Variants in ITGA2B observed in about 807,000 individuals in gnomAD.
ITGA2B encodes the protein integrin subunit alpha 2b.
Under a neutral mutation model 142.0 loss-of-function variants are expected in ITGA2B, and 91 were observed. The ratio of observed to expected loss-of-function variants is 0.64; its 90% CI spans 0.54 to 0.76. ITGA2B has a LOEUF of 0.76. Among genes scored for constraint, ITGA2B ranks in the 30% least tolerant of loss-of-function variants. ITGA2B has a pLI of 0.00. For missense variants in ITGA2B, 1,231 were observed against 1,350.8 expected (o/e 0.91, Z 1.39); for synonymous variants, 536 against 567.2 (o/e 0.94, Z 0.78).
In ITGA2B at chr17:44,372,268, A is replaced by G; in HGVS notation, c.*96T>C. On this transcript the variant is annotated 3_prime_UTR_variant, in exon 30 of 30. Coordinates refer to ENST00000262407, the MANE Select transcript of ITGA2B (RefSeq NM_000419.5). The stretch of plus-strand genomic sequence containing the variant: ...AACGACACCAAGAGGACCCAATGGA[A>G]CAGCTCCAACCCAAAGCTTGGAGGC... 7 of 1,285,606 alleles carry G rather than the reference A, an allele frequency of 5.4e-6. No individual in the cohort carries two copies. The highest frequency in any genetic ancestry group is 7.9e-6 in the Non-Finnish European group (7 of 885,878). 79.6% of individuals were successfully genotyped at this position (1,285,606 alleles called of 1,614,324 possible). A position where few individuals can be genotyped will look rare whatever the true frequency, so the allele number is the denominator to read the frequency against.
rs760027016 is a variant in ITGA2B at position 44,375,527 on chromosome 17, C to T, written c.2727+64G>A. 2.5e-6 allele frequency: 4 copies of T among 1,590,790 alleles called. No homozygotes were observed. In the South Asian group the frequency reaches 4.5e-5, roughly 18 times the overall value. On this transcript the variant is annotated intron_variant, in intron 26 of 29. Coordinates refer to ENST00000262407, the MANE Select transcript of ITGA2B (RefSeq NM_000419.5). ...CAGCACACCCGGACCCCTCTCCCTC[C>T]TCCCATCCCCTCTGCCCCGTGGGTC...
Position 44,379,736 on chromosome 17 carries a change from T to G in ITGA2B, c.1831A>C (p.Met611Leu), listed in dbSNP as rs759168431. The change falls in exon 18 of 30, where the codon ATG (methionine) becomes CTG (leucine). Residue 611 changes from methionine (M) to leucine (L), a missense_variant. Around this residue, in one of 3 missense-constraint regions of ITGA2B, gnomAD observed 908 missense variants for 1,021.1 expected, o/e 0.89. Transcript: ENST00000262407. Reference sequence around the variant, plus strand: ...CCATGCAGCACGACAGCAGGGGCCATTCCAGCCTCCGTGGGCGGTAGGGAC... The same window carrying G: ...CCATGCAGCACGACAGCAGGGGCCAGTCCAGCCTCCGTGGGCGGTAGGGAC... ...NVSLPPTEAG[M>L]APAVVLHGDT... 1.2e-6 allele frequency: 2 copies of G among 1,613,778 alleles called. No homozygotes were observed. The highest frequency in any genetic ancestry group is 1.7e-6 in the Non-Finnish European group (2 of 1,180,020).
At chr17:44,385,427 A>C (rs1163291555) in intron 4 of ITGA2B, 92 bp from the exon 5 acceptor site, 1 of 1,512,160 alleles carries the variant, frequency 6.6e-7, no homozygotes. Context: ...CGGGGCCTTG[A>C]GTCGGCGGGG....
chr17:44,382,030 C>T (rs1050888015), intron 12 of ITGA2B, among the ~76,000 whole-genome samples: 5 of 152,128 alleles, frequency 3.3e-5, no homozygotes, highest in Non-Finnish European at 5.9e-5. Flanking sequence ...AGAGAGGCAG[C>T]CCACTGTTAT....
Position 44,375,192 on chromosome 17 carries a change from A to G in ITGA2B, c.2728-81T>C, listed in dbSNP as rs1040925788. 5.2e-6 allele frequency: 6 copies of G among 1,151,816 alleles called. No homozygotes were observed. The African/African-American group carries it at 9.2e-5, about 18-fold the overall frequency. The allele number at this position is 1,151,816 out of a possible 1,614,324, so 71.3% of individuals were successfully genotyped here. On this transcript the variant is annotated intron_variant, in intron 26 of 29. Transcript: ENST00000262407. Reference sequence around the variant, plus strand: ...CCCACCCCCTTACCCCCAGGACCCAACGCAGAAGGGGCCGGGGGTTCAGGA... The same window carrying G: ...CCCACCCCCTTACCCCCAGGACCCAGCGCAGAAGGGGCCGGGGGTTCAGGA...
chr17:44,374,848 C>A, intron 27 of ITGA2B, 88 bp from the exon 28 acceptor site: 1 of 1,335,266 alleles, frequency 7.5e-7, no homozygotes. Flanking sequence ...GGCGGGGAAG[C>A]CCTGCCTCTG....
chr17:44,381,234 G>A (rs1167230902), intron 12 of ITGA2B, among the ~76,000 whole-genome samples, 173 bp from the exon 13 acceptor site: 1 of 152,132 alleles, frequency 6.6e-6, no homozygotes, highest in Non-Finnish European at 1.5e-5. Flanking sequence ...GGTGGGAGAG[G>A]GACCTGCCAA....
intron 17 of ITGA2B, 84 bp from the exon 18 acceptor site, chr17:44,379,898 C>A: frequency 2.5e-6 from 4 of 1,611,806 alleles, no homozygotes; most frequent in Non-Finnish European, 3.4e-6. Flanking sequence ...GTCCTGACCA[C>A]CCCCGGACTC....
rs1598381778 is a variant in ITGA2B, at chr17:44,383,893, C to G, written c.998+1G>C. 6.2e-7 allele frequency: 1 copy of G among 1,613,624 alleles called. No homozygotes were observed. Among genetic ancestry groups the G allele is most frequent in the South Asian group, 1.1e-5 (1 of 91,036 alleles). On this transcript the variant is annotated splice_donor_variant, in intron 11 of 29. Transcript: ENST00000262407. LOFTEE classifies it high-confidence loss of function. The stretch of plus-strand genomic sequence containing the variant: ...TAGGGGTGGGGCATGTCCCTCCTCA[C>G]CCATCCCCGTTGACGTCAGTGACAG...
In ITGA2B at chr17:44,385,638, A is replaced by T. The variant is rs141497408; in HGVS notation, c.487T>A (p.Leu163Met). The change falls in exon 4 of 30, where the codon TTG becomes ATG. Residue 163 changes from leucine to methionine, a missense_variant. By Grantham distance (15) the Leu-to-Met change is conservative (BLOSUM62 2). This residue lies in a region of ITGA2B where 318 missense variants were observed against 312.2 expected (regional missense o/e 1.02). Coordinates refer to ENST00000262407, the MANE Select transcript of ITGA2B (RefSeq NM_000419.5). The part of the protein sequence containing the change: ...AEKTPVGSCF[L>M]AQPESGRRAE... ...CGGCGGCCGCTCTCTGGCTGAGCCAAAAAGCAGCTACCTACGGGCGTCTTC... is the reference window on the plus strand; with the variant it reads ...CGGCGGCCGCTCTCTGGCTGAGCCATAAAGCAGCTACCTACGGGCGTCTTC... 2 of 1,613,608 alleles carry T rather than the reference A, an allele frequency of 1.2e-6. No individual in the cohort carries two copies. The highest frequency in any genetic ancestry group is 2.2e-5 in the South Asian group (2 of 91,080).
intron 7 of ITGA2B, 143 bp from the exon 8 acceptor site, chr17:44,384,728 C>CCCGCTTCCA: frequency 7.9e-7 from 1 of 1,264,464 alleles, no homozygotes. Flanking sequence ...GGGGCCAAGC[C>CCCGCTTCCA]CTGCCCCAGG....
intron 1 of ITGA2B, 80 bp from the exon 2 acceptor site, chr17:44,386,211 G>C (rs763316170): frequency 6.5e-7 from 1 of 1,534,538 alleles, no homozygotes; most frequent in South Asian, 1.2e-5. Context: ...AGCACTGCCC[G>C]GAAGGCCATG....
chr17:44,385,794 G>T, intron 3 of ITGA2B, 30 bp downstream of exon 3: 1 of 1,608,732 alleles, frequency 6.2e-7, no homozygotes, highest in Non-Finnish European at 8.5e-7. Flanking sequence ...GCCCCCGATT[G>T]TTCCCTGTGC....
Position 44,384,797 on chromosome 17 carries a change from C to T in ITGA2B, c.799+151G>A, listed in dbSNP as rs559159634. 8.0e-6 allele frequency: 11 copies of T among 1,382,508 alleles called. No homozygotes were observed. The South Asian group carries it at 1.3e-4, about 16-fold the overall frequency. 85.6% of individuals were successfully genotyped at this position (1,382,508 alleles called of 1,614,324 possible). ...GGGCGCATGGGAGGTGGGCGGTCTG[C>T]GGGGAAGCCGCAGGAGCGGAGGGCG... is the stretch of plus-strand genomic sequence containing the variant. On this transcript the variant is annotated intron_variant, in intron 7 of 29. Coordinates refer to ENST00000262407, the MANE Select transcript of ITGA2B (RefSeq NM_000419.5).
intron 12 of ITGA2B, among the ~76,000 whole-genome samples, chr17:44,382,379 C>T (rs1319041049): frequency 6.6e-6 from 1 of 152,016 alleles, no homozygotes; most frequent in Non-Finnish European, 1.5e-5. Flanking sequence ...TAGCTGCATC[C>T]AATTTTTCAT....
rs1019178975 is a variant in ITGA2B, at chr17:44,375,978, T to C, written c.2456A>G (p.Asn819Ser). ...PKVEHTYELH[N>S]NGPGTVNGLH... ...ACCATTCACAGTCCCAGGGCCATTG[T>C]TGTGGAGCTGAAGGGGTGGTGGTGG... The change falls in exon 25 of 30, where the codon AAC (asparagine) becomes AGC (serine). Residue 819 changes from asparagine to serine, a missense_variant. By Grantham distance (46) the Asn-to-Ser change is conservative (BLOSUM62 1). Around this residue, in one of 3 missense-constraint regions of ITGA2B, gnomAD observed 908 missense variants for 1,021.1 expected, o/e 0.89. Coordinates refer to ENST00000262407, the MANE Select transcript of ITGA2B (RefSeq NM_000419.5). 3.1e-6 allele frequency: 5 copies of C among 1,613,954 alleles called. No homozygotes were observed. The highest frequency in any genetic ancestry group is 1.3e-5 in the African/African-American group (1 of 74,904).
In ITGA2B at chr17:44,380,032, G is replaced by A. The variant is rs2048580176; in HGVS notation, c.1722C>T (p.Pro574=). 1 of 1,613,704 alleles carries A rather than the reference G, an allele frequency of 6.2e-7. No homozygotes were observed. Among genetic ancestry groups the A allele is most frequent in the South Asian group, 1.1e-5 (1 of 91,070 alleles). The change falls in exon 17 of 30, where the codon CCC becomes CCT. Residue 574 remains proline (P), a synonymous_variant. Transcript: ENST00000262407. ...LNLDLGGKHS[P]ICHTTMAFLR... ...GGAAGGCCATGGTGGTGTGGCAGAT[G>A]GGGCTGTGCTTTCCGCCCAGATCCA...
Position 44,379,767 on chromosome 17 carries a change from G to A in ITGA2B, c.1800C>T (p.Leu600=), listed in dbSNP as rs557055821. 6.2e-7 allele frequency: 1 copy of A among 1,613,798 alleles called. No homozygotes were observed. The highest frequency in any genetic ancestry group is 8.5e-7 in the Non-Finnish European group (1 of 1,180,006). Residue 600 remains leucine, a synonymous_variant, in exon 18 of 30, where the codon CTC becomes CTT. Coordinates refer to ENST00000262407, the MANE Select transcript of ITGA2B (RefSeq NM_000419.5). ...CCTCCGTGGGCGGTAGGGACACATT[G>A]AGGCTGAGCACAATGGGGCTCAGCT... ...RDKLSPIVLS[L]NVSLPPTEAG...
chr17:44,375,147 G>A (rs2048529662), intron 26 of ITGA2B, 36 bp from the exon 27 acceptor site: 2 of 1,510,830 alleles, frequency 1.3e-6, no homozygotes, highest in East Asian at 2.5e-5. Flanking sequence ...AGCCCGTCCC[G>A]GCCCATCACC....
Sources: allele counts gnomAD v4.1 joint callset (sites outside exome capture counted in the v4.1 genomes callset), GRCh38; gene constraint gnomAD v4.1.1; regional missense constraint gnomAD v4.1.1; transcripts MANE v1.5; gene names NCBI Gene and HGNC (gene_info 2026-07-23, HGNC 2026-07-21).